Variants in MEF2D observed in about 807,000 individuals in gnomAD.
MEF2D encodes myocyte enhancer factor 2D.
In MEF2D, 10 loss-of-function variants were observed where a neutral mutation model predicts 59.3. The ratio of observed to expected loss-of-function variants is 0.17; its 90% CI spans 0.10 to 0.29. The LOEUF is 0.29. Ranked by LOEUF, MEF2D falls within the 10% of genes least tolerant of loss-of-function variation. The probability of loss-of-function intolerance (pLI) is 1.00; values close to 1 mark genes in which losing one functional copy is unlikely to be tolerated. For synonymous variants in MEF2D, 305 were observed against 295.0 expected (o/e 1.03, Z -0.35); for missense variants, 508 against 699.4 (o/e 0.73, Z 3.09).
intron 7 of MEF2D, 60 bp from the exon 8 acceptor site, chr1:156,476,574 C>T: frequency 1.3e-6 from 2 of 1,585,858 alleles, no homozygotes; most frequent in Admixed American, 3.6e-5. Context: ...CTCCCCCACA[C>T]CTCTGTCCCC....
In MEF2D at chr1:156,488,892, C is replaced by G. The variant is rs142499531; in HGVS notation, c.-138-5462G>C. Among the ~76,000 whole-genome samples the G allele has an allele frequency of 6.2e-3, 949 of 152,252 alleles. 15 individuals are homozygous for G. Among genetic ancestry groups the G allele is most frequent in the African/African-American group, 0.022 (912 of 41,546 alleles). ...TTCCTTTCCGATAGCCAGCCTCTAT[C>G]CTCTCTTTCTTGCTCTTGGCAGGGG... On this transcript the variant is annotated intron_variant, in intron 1 of 11. Transcript: ENST00000348159.
At chr1:156,479,936 G>T in intron 4 of MEF2D, 140 bp from the exon 5 acceptor site, 1 of 787,916 alleles carries the variant, frequency 1.3e-6, no homozygotes, top group Non-Finnish European at 2.0e-6. Flanking sequence ...TCCCTGCCCT[G>T]TGCCCTTGTG....
chr1:156,484,265 A>G (rs1484764805), intron 1 of MEF2D: 1 of 152,218 alleles, frequency 6.6e-6, no homozygotes, highest in Non-Finnish European at 1.5e-5. Context: ...CAATGAAACC[A>G]TTCCTCTAGA....
At chr1:156,480,509 G>T in intron 4 of MEF2D, 1 of 886,202 alleles carries the variant, frequency 1.1e-6, no homozygotes, top group Non-Finnish European at 1.7e-6. Context: ...TCATGACCAA[G>T]GTCAGAGGTT....
At position 156,463,951 on chromosome 1, in the gene MEF2D, G is replaced by A. The variant is rs1022790265; in HGVS notation, c.*3694C>T. ...GCCCCAGGACCCAGGAAGAGCCCCA[G>A]GAGTGTGGGTGATTGTCAGGTGTGG... On this transcript the variant is annotated 3_prime_UTR_variant, in exon 12 of 12. Coordinates refer to ENST00000348159, the MANE Select transcript of MEF2D (RefSeq NM_005920.4). 1 of 152,680 alleles carries A rather than the reference G, an allele frequency of 6.5e-6. No homozygotes were observed. Among genetic ancestry groups the A allele is most frequent in the African/African-American group, 2.4e-5 (1 of 41,438 alleles). 9.5% of individuals were successfully genotyped at this position (152,680 alleles called of 1,614,324 possible).
rs563731607 is a variant in MEF2D, at chr1:156,470,350, T to C, written c.1007-1330A>G. Among the ~76,000 whole-genome samples, 9 of 148,800 alleles carry C rather than the reference T, an allele frequency of 6.0e-5. No homozygotes were observed. In the East Asian group the frequency reaches 1.8e-3, roughly 29 times the overall value. On this transcript the variant is annotated intron_variant, in intron 9 of 11. Transcript: ENST00000348159. ...AGGAGAATTGCTTGAACCTGGGAGGTGGAGGCTGCAATGAGTGGAGATCGC... is the reference window on the plus strand; with the variant it reads ...AGGAGAATTGCTTGAACCTGGGAGGCGGAGGCTGCAATGAGTGGAGATCGC...
chr1:156,483,630 G>A (rs1370909073), intron 1 of MEF2D, among the ~76,000 whole-genome samples, 200 bp from the exon 2 acceptor site: 1 of 152,198 alleles, frequency 6.6e-6, no homozygotes, highest in African/African-American at 2.4e-5. Context: ...CCAAGGCCCA[G>A]ACTCTTTCCC....
intron 1 of MEF2D, among the ~76,000 whole-genome samples, chr1:156,491,531 G>A (rs1672793164): frequency 6.6e-6 from 1 of 152,212 alleles, no homozygotes; most frequent in Non-Finnish European, 1.5e-5. Flanking sequence ...GATGGCCAAG[G>A]GTTCACAAAG....
chr1:156,478,557 T>G (rs1671771937), intron 6 of MEF2D, among the ~76,000 whole-genome samples: 1 of 151,848 alleles, frequency 6.6e-6, no homozygotes, highest in Non-Finnish European at 1.5e-5. Context: ...TGAGACGGAG[T>G]TTCGCTCCTG....
At chr1:156,495,121 T>C (rs1047058882) in intron 1 of MEF2D, among the ~76,000 whole-genome samples, 11 of 152,170 alleles carry the variant, frequency 7.2e-5, no homozygotes, top group African/African-American at 2.4e-4. Context: ...GCTTTCTCCA[T>C]GACACTCAAG....
Position 156,468,160 on chromosome 1 carries a change from G to A in MEF2D, c.1387C>T (p.Arg463Cys), listed in dbSNP as rs759902968. Reference sequence around the variant, plus strand: ...CTGAGACCATCGCCAGGCTCAGGGCGGGCAGCTGGGAACACAGCTGGAGGG... The same window carrying A: ...CTGAGACCATCGCCAGGCTCAGGGCAGGCAGCTGGGAACACAGCTGGAGGG... ...PPPPAVFPAA[R>C]PEPGDGLSSP... The change falls in exon 11 of 12, where the codon CGC becomes TGC. Residue 463 changes from arginine (R) to cysteine (C), a missense_variant. Around this residue, in one of 2 missense-constraint regions of MEF2D, gnomAD observed 481 missense variants for 584.7 expected, o/e 0.82. Coordinates refer to ENST00000348159, the MANE Select transcript of MEF2D (RefSeq NM_005920.4). This position sits in a 1 kb window ranked among gnomAD's most constrained non-coding sequence, Gnocchi z 4.3. 5.6e-6 allele frequency: 9 copies of A among 1,613,818 alleles called. No individual in the cohort carries two copies. In the East Asian group the frequency reaches 6.7e-5, roughly 12 times the overall value.
Position 156,494,386 on chromosome 1 carries a change from C to T in MEF2D, c.-139+6100G>A, listed in dbSNP as rs569046836. Among the ~76,000 whole-genome samples, 13 of 152,214 alleles carry T rather than the reference C, an allele frequency of 8.5e-5. No individual in the cohort carries two copies. In the South Asian group the frequency reaches 2.5e-3, roughly 29 times the overall value. ...TGGTGGGCTGAGGATGAGAGAATCA[C>T]GAGGGATAAGCAAGCATGCAGCCAG... On this transcript the variant is annotated intron_variant, in intron 1 of 11. Transcript: ENST00000348159.
At chr1:156,476,561 G>A in intron 7 of MEF2D, 47 bp from the exon 8 acceptor site, 1 of 1,598,078 alleles carries the variant, frequency 6.3e-7, no homozygotes, top group South Asian at 1.1e-5. Flanking sequence ...TCTGGCCGCT[G>A]CCCTCCCCCA....
At chr1:156,481,064 C>T (rs1671981270) in intron 3 of MEF2D, 93 bp from the exon 4 acceptor site, 1 of 1,551,868 alleles carries the variant, frequency 6.4e-7, no homozygotes. Flanking sequence ...GCCCCCTACT[C>T]TTCCCCGACC....
At position 156,480,581 on chromosome 1, in the gene MEF2D, G is replaced by C. The variant is rs369215294; in HGVS notation, c.396+253C>G. 6.0e-6 allele frequency: 9 copies of C among 1,491,006 alleles called. No homozygotes were observed. The South Asian group carries it at 6.7e-5, about 11-fold the overall frequency. 92.4% of individuals were successfully genotyped at this position (1,491,006 alleles called of 1,614,324 possible). A position where few individuals can be genotyped will look rare whatever the true frequency, so the allele number is the denominator to read the frequency against. On this transcript the variant is annotated intron_variant, in intron 4 of 11. Transcript: ENST00000348159. ...GCGGAGCACCCATCAGGGCAGCCGA[G>C]AGCCAGGGCGCGAAGCCACACCATG... is the stretch of plus-strand genomic sequence containing the variant.
intron 9 of MEF2D, among the ~76,000 whole-genome samples, chr1:156,473,433 A>G (rs1341620763): frequency 6.6e-6 from 1 of 152,212 alleles, no homozygotes; most frequent in East Asian, 1.9e-4. Context: ...CTTTTGGTCC[A>G]GACTAAACTC....
At chr1:156,486,021 T>C (rs1375877710) in intron 1 of MEF2D, among the ~76,000 whole-genome samples, 1 of 152,084 alleles carries the variant, frequency 6.6e-6, no homozygotes, top group Non-Finnish European at 1.5e-5. Flanking sequence ...GGCTAACTTT[T>C]GTATTTTCAG....
chr1:156,477,642 T>G (rs1447573435), intron 6 of MEF2D, among the ~76,000 whole-genome samples: 1 of 152,112 alleles, frequency 6.6e-6, no homozygotes, highest in Non-Finnish European at 1.5e-5. Context: ...GACCAGGATG[T>G]GGAAGGGGTG....
chr1:156,480,702 C>T lies in MEF2D; in HGVS notation c.396+132G>A, dbSNP rs1281569003. ...TCCTCGTCTATCTTTTTATATTTCT[C>T]TTCCGTCTGGGGGGTCAGGGCAAAC... On this transcript the variant is annotated intron_variant, in intron 4 of 11. Transcript: ENST00000348159. 3.7e-6 allele frequency: 6 copies of T among 1,604,444 alleles called. No homozygotes were observed. The South Asian group carries it at 4.4e-5, about 12-fold the overall frequency.
Sources: allele counts gnomAD v4.1 joint callset (sites outside exome capture counted in the v4.1 genomes callset), GRCh38; gene constraint gnomAD v4.1.1; regional missense constraint gnomAD v4.1.1; non-coding constraint Gnocchi (gnomAD v3.1); transcripts MANE v1.5; gene names NCBI Gene and HGNC (gene_info 2026-07-23, HGNC 2026-07-21).